TDRD3: variants seen among roughly 807,000 people sequenced by gnomAD.
TDRD3 encodes tudor domain-containing protein 3.
TDRD3 carries 45 observed loss-of-function variants against 86.7 expected under a neutral mutation model. That is an observed-to-expected ratio of 0.52 (90% CI 0.41 to 0.67). TDRD3 has a LOEUF of 0.67. Among genes scored for constraint, TDRD3 ranks in the 30% least tolerant of loss-of-function variants. TDRD3 has a pLI of 0.00. For missense variants in TDRD3, 814 were observed against 889.0 expected (o/e 0.92, Z 1.07); for synonymous variants, 298 against 301.7 (o/e 0.99, Z 0.13).
intron 3 of TDRD3, among the ~76,000 whole-genome samples, chr13:60,446,713 T>C (rs1046069451): frequency 2.0e-5 from 3 of 152,164 alleles, no homozygotes; most frequent in African/African-American, 7.2e-5. Context: ...TATATAAAAA[T>C]GTAACTATCT....
Position 60,460,367 on chromosome 13 carries a change from T to A in TDRD3, c.193-13T>A. 6.3e-7 allele frequency: 1 copy of A among 1,579,248 alleles called. No homozygotes were observed. The highest frequency in any genetic ancestry group is 8.6e-7 in the Non-Finnish European group (1 of 1,168,292). On this transcript the variant is annotated splice_polypyrimidine_tract_variant and intron_variant, in intron 3 of 13. Coordinates refer to ENST00000377881, the MANE Select transcript of TDRD3 (RefSeq NM_001146070.2). ...GACTAGAAAGTGATTTTTATTCTTT[T>A]CTGTTTTGACAGCTCGAAGGTCCAT...
chr13:60,401,031 G>A (rs1954082990), intron 1 of TDRD3, among the ~76,000 whole-genome samples: 3 of 152,066 alleles, frequency 2.0e-5, no homozygotes, highest in Admixed American at 2.0e-4. Context: ...TCCTAGTCCA[G>A]GAAAGATAAA....
At chr13:60,566,245 A>G (rs1364588279) in intron 12 of TDRD3, among the ~76,000 whole-genome samples, 1 of 152,114 alleles carries the variant, frequency 6.6e-6, no homozygotes, top group African/African-American at 2.4e-5. Flanking sequence ...TTCTTTATAT[A>G]AAGTGGAAAT....
intron 8 of TDRD3, among the ~76,000 whole-genome samples, chr13:60,507,331 C>T (rs1432784218): frequency 6.6e-6 from 1 of 152,190 alleles, no homozygotes; most frequent in African/African-American, 2.4e-5. Flanking sequence ...GAACTCAGCT[C>T]TGGACCAAGC....
intron 5 of TDRD3, among the ~76,000 whole-genome samples, chr13:60,477,460 CT>C (rs1324305509): frequency 5.3e-5 from 8 of 152,052 alleles, no homozygotes; most frequent in Non-Finnish European, 1.2e-4. Context: ...AGCAATCCTC[CT>C]TGTTTGGCCT....
At chr13:60,422,484 C>G (rs1036605291) in intron 1 of TDRD3, among the ~76,000 whole-genome samples, 1 of 152,134 alleles carries the variant, frequency 6.6e-6, no homozygotes, top group African/African-American at 2.4e-5. Flanking sequence ...ACTCTAAGTT[C>G]ATACTCCAAC....
chr13:60,536,737 T>A (rs1957704624), intron 12 of TDRD3: 1 of 152,126 alleles, frequency 6.6e-6, no homozygotes, highest in African/African-American at 2.4e-5. Flanking sequence ...AAGAAAAATT[T>A]ACTTTTCTTA....
At chr13:60,424,260 A>T (rs1458598136) in intron 1 of TDRD3, among the ~76,000 whole-genome samples, 1 of 151,918 alleles carries the variant, frequency 6.6e-6, no homozygotes, top group Admixed American at 6.6e-5. Context: ...TGACCTCGTG[A>T]TCCACCCACC....
intron 12 of TDRD3, among the ~76,000 whole-genome samples, chr13:60,565,041 CTTTTTTTTT>C (rs869194148): frequency 8.2e-4 from 58 of 70,876 alleles, no homozygotes; most frequent in East Asian, 3.7e-3. Context: ...CTATCAGTAT[CTTTTTTTTT>C]TTTTTTTTTT....
intron 11 of TDRD3, among the ~76,000 whole-genome samples, chr13:60,532,632 A>T (rs1182140907): frequency 6.6e-6 from 1 of 152,196 alleles, no homozygotes; most frequent in African/African-American, 2.4e-5. Context: ...CATATTGCTT[A>T]AAAAATTTCC....
intron 4 of TDRD3, among the ~76,000 whole-genome samples, chr13:60,463,362 CAAAAAAAAAAA>C (rs57195209): frequency 1.2e-5 from 1 of 81,538 alleles, no homozygotes; most frequent in Admixed American, 1.4e-4. Flanking sequence ...AATTCTGGCT[CAAAAAAAAAAA>C]AAAAAAAAAG....
At chr13:60,563,619 C>T (rs2137971700) in intron 12 of TDRD3, among the ~76,000 whole-genome samples, 1 of 152,310 alleles carries the variant, frequency 6.6e-6, no homozygotes, top group Middle Eastern at 3.4e-3. Context: ...CAACTCCTTC[C>T]AGGGATTGGC....
At chr13:60,566,948 A>G (rs563067097) in intron 12 of TDRD3, among the ~76,000 whole-genome samples, 6 of 152,268 alleles carry the variant, frequency 3.9e-5, no homozygotes, top group South Asian at 4.1e-4. Flanking sequence ...AGCTTTCTTT[A>G]TATGTAAATT....
At chr13:60,547,869 T>C (rs535554890) in intron 12 of TDRD3, among the ~76,000 whole-genome samples, 3 of 152,336 alleles carry the variant, frequency 2.0e-5, no homozygotes, top group Admixed American at 6.5e-5. Context: ...CTTTCTTCTT[T>C]AATATTCCCA....
At chr13:60,461,229 C>CA (rs1407927439) in intron 4 of TDRD3, among the ~76,000 whole-genome samples, 1 of 152,036 alleles carries the variant, frequency 6.6e-6, no homozygotes, top group Non-Finnish European at 1.5e-5. Flanking sequence ...AATGTTCTTG[C>CA]AGAGTTTTAT....
chr13:60,520,605 C>A (rs1957267490), intron 10 of TDRD3, among the ~76,000 whole-genome samples: 1 of 152,164 alleles, frequency 6.6e-6, no homozygotes, highest in East Asian at 1.9e-4. Flanking sequence ...CAGCTTTAAG[C>A]TACATTATTT....
At chr13:60,498,233 C>T (rs940998675) in intron 8 of TDRD3, among the ~76,000 whole-genome samples, 1 of 152,106 alleles carries the variant, frequency 6.6e-6, no homozygotes, top group Non-Finnish European at 1.5e-5. Flanking sequence ...GTGAGGGCAG[C>T]ACAGGCATCT....
chr13:60,486,095 C>A, intron 7 of TDRD3, 147 bp downstream of exon 7: 1 of 734,374 alleles, frequency 1.4e-6, no homozygotes, highest in Non-Finnish European at 1.9e-6. Flanking sequence ...ACTGGGAATG[C>A]CCTGCCACTT....
intron 3 of TDRD3, among the ~76,000 whole-genome samples, chr13:60,459,750 A>T (rs1236391966): frequency 1.3e-5 from 2 of 152,166 alleles, no homozygotes; most frequent in Non-Finnish European, 2.9e-5. Flanking sequence ...CCTCCCAAGT[A>T]GCTGGGATTA....
Sources: allele counts gnomAD v4.1 joint callset (sites outside exome capture counted in the v4.1 genomes callset), GRCh38; gene constraint gnomAD v4.1.1; transcripts MANE v1.5; gene names NCBI Gene and HGNC (gene_info 2026-07-23, HGNC 2026-07-21).